Variants in DMD observed in about 807,000 individuals in gnomAD.
DMD encodes the protein mutant dystrophin.
In DMD, 63 loss-of-function variants were observed where a neutral mutation model predicts 330.1. That is an observed-to-expected ratio of 0.19 (90% CI 0.16 to 0.24). The LOEUF (loss-of-function observed/expected upper bound fraction) is 0.24, where lower values mean the gene tolerates loss of function less well. Ranked by LOEUF, DMD falls within the 10% of genes least tolerant of loss-of-function variation. The pLI is 1.00. For synonymous variants in DMD, 1,223 were observed against 959.8 expected (o/e 1.27, Z -5.07); for missense variants, 3,344 against 2,684.1 (o/e 1.25, Z -5.43).
At chrX:31,556,150 G>A (rs1416507130) in intron 55 of DMD, among the ~76,000 whole-genome samples, 2 of 110,058 alleles carry the variant, frequency 1.8e-5, no homozygotes, top group Non-Finnish European at 3.8e-5. Flanking sequence ...GGTGGATCAC[G>A]AGGTCAGGAG....
intron 7 of DMD, among the ~76,000 whole-genome samples, chrX:32,712,697 A>T (rs1242772494): frequency 5.4e-5 from 6 of 111,414 alleles, no homozygotes; most frequent in African/African-American, 1.6e-4. Context: ...GAGTGTTATC[A>T]TACTGAGGTT....
intron 4 of DMD, among the ~76,000 whole-genome samples, chrX:32,841,445 T>C (rs998732286): frequency 7.2e-5 from 8 of 111,839 alleles, no homozygotes; most frequent in African/African-American, 2.6e-4. Context: ...CACCAGATAC[T>C]AGGCTGTATT....
intron 1 of DMD, among the ~76,000 whole-genome samples, chrX:33,286,965 C>A (rs1162462497): frequency 9.0e-6 from 1 of 111,599 alleles, no homozygotes; most frequent in Admixed American, 9.6e-5. Context: ...TGAAGAGATG[C>A]GGGGGAGCAA....
At chrX:31,484,044 T>C (rs942441485) in intron 57 of DMD, among the ~76,000 whole-genome samples, 1 of 111,470 alleles carries the variant, frequency 9.0e-6, no homozygotes, top group Admixed American at 9.6e-5. Flanking sequence ...GGAAAGCCAA[T>C]TTTTCAGTAT....
At chrX:32,348,653 T>G (rs749388749) in intron 37 of DMD, 125 bp from the exon 38 acceptor site, 1 of 646,912 alleles carries the variant, frequency 1.5e-6, no homozygotes, top group East Asian at 3.7e-5. Flanking sequence ...TTCCATATTA[T>G]GTTTTATGAA....
At chrX:32,002,745 T>G (rs16990013) in intron 44 of DMD, among the ~76,000 whole-genome samples, 4,013 of 110,956 alleles carry the variant, frequency 0.036, 176 homozygotes, top group African/African-American at 0.12. Context: ...AAAGCAGATA[T>G]AAAGTACCTA....
chrX:32,083,072 T>G (rs1222542636), intron 44 of DMD, among the ~76,000 whole-genome samples: 2 of 111,771 alleles, frequency 1.8e-5, no homozygotes, highest in Non-Finnish European at 3.8e-5. Flanking sequence ...GATGAAATGG[T>G]CAGAAAGCAC....
chrX:32,336,292 A>G (rs1200822795), intron 41 of DMD, among the ~76,000 whole-genome samples: 1 of 111,565 alleles, frequency 9.0e-6, no homozygotes, highest in African/African-American at 3.3e-5. Context: ...CTGGGATTAC[A>G]GTTGTGAGCC....
At chrX:32,711,067 G>A (rs2065143714) in intron 7 of DMD, among the ~76,000 whole-genome samples, 2 of 111,551 alleles carry the variant, frequency 1.8e-5, no homozygotes, top group Admixed American at 9.6e-5. Flanking sequence ...AGACTAAATA[G>A]AGAAAAGGAA....
intron 9 of DMD, among the ~76,000 whole-genome samples, chrX:32,651,268 G>A (rs868722513): frequency 9.2e-6 from 1 of 108,710 alleles, no homozygotes; most frequent in South Asian, 4.1e-4. Context: ...TCAGCCTCCC[G>A]AGTAGCTGGG....
At chrX:31,429,121 CAA>C (rs35774193) in intron 60 of DMD, among the ~76,000 whole-genome samples, 15 of 81,365 alleles carry the variant, frequency 1.8e-4, no homozygotes, top group East Asian at 3.6e-4. Context: ...GACTCCATCT[CAA>C]AAAAAAAAAA....
At chrX:32,674,167 T>A (rs951534309) in intron 9 of DMD, among the ~76,000 whole-genome samples, 8 of 111,697 alleles carry the variant, frequency 7.2e-5, no homozygotes, top group African/African-American at 2.6e-4. Context: ...CTGTTTCAAT[T>A]TGGTTTCTTT....
intron 1 of DMD, among the ~76,000 whole-genome samples, chrX:33,066,461 A>AAAGGAAGG (rs11283208): frequency 0.094 from 7,907 of 83,758 alleles, 1,304 homozygotes; most frequent in African/African-American, 0.35. Context: ...AAAAAAAAAA[A>AAAGGAAGG]AAGGAAGGAA....
chrX:32,882,076 A>G lies in DMD; in HGVS notation c.94-32256T>C, dbSNP rs113875710. Reference sequence around the variant, plus strand: ...CTTGTGTTTTGTTTTTCAAAAGCTTAGAGAATCAGCTTCATCGCCCCTGCT... The same window carrying G: ...CTTGTGTTTTGTTTTTCAAAAGCTTGGAGAATCAGCTTCATCGCCCCTGCT... On this transcript the variant is annotated intron_variant, in intron 2 of 78. Transcript: ENST00000357033. Among the ~76,000 whole-genome samples the G allele has an allele frequency of 4.3e-3, 487 of 112,073 alleles. 8 individuals carry two copies. The East Asian group carries it at 0.064, about 15-fold the overall frequency.
rs374397973 is a variant in DMD at position 32,498,415 on chromosome X, AT to A, written c.2380+3339del. Among the ~76,000 whole-genome samples, 233 of 106,071 alleles carry A rather than the reference AT, an allele frequency of 2.2e-3. 3 individuals are homozygous for A. The South Asian group carries it at 0.053, about 24-fold the overall frequency. 92.1% of individuals were successfully genotyped at this position (106,071 alleles called of 115,157 possible). ...TTCATGCCAAAATGCCAGAAACGTG[AT>A]TTTTTTTTTTAGTTAACACTCTCCT... On this transcript the variant is annotated intron_variant, in intron 19 of 78. Coordinates refer to ENST00000357033, the MANE Select transcript of DMD (RefSeq NM_004006.3).
chrX:32,295,757 T>C (rs935933827), intron 42 of DMD, among the ~76,000 whole-genome samples: 2 of 112,119 alleles, frequency 1.8e-5, no homozygotes, highest in African/African-American at 6.5e-5. Flanking sequence ...AACCCTTAAC[T>C]ATGCTCCATT....
intron 1 of DMD, among the ~76,000 whole-genome samples, chrX:33,260,412 G>T (rs2052935823): frequency 9.0e-6 from 1 of 111,416 alleles, no homozygotes; most frequent in African/African-American, 3.3e-5. Context: ...TTACTTTTCA[G>T]TAACATAGAC....
chrX:32,719,309 G>C (rs1248647991), intron 7 of DMD, among the ~76,000 whole-genome samples: 1 of 112,019 alleles, frequency 8.9e-6, no homozygotes. Flanking sequence ...ATAGAGCTAA[G>C]CTTCTAGAGG....
chrX:32,475,410 T>G (rs189764598), intron 21 of DMD, among the ~76,000 whole-genome samples: 1 of 111,180 alleles, frequency 9.0e-6, no homozygotes, highest in Non-Finnish European at 1.9e-5. Context: ...GTTATTTTGA[T>G]GGGGATTGCA....
Sources: allele counts gnomAD v4.1 joint callset (sites outside exome capture counted in the v4.1 genomes callset), GRCh38; gene constraint gnomAD v4.1.1; transcripts MANE v1.5; gene names NCBI Gene and HGNC (gene_info 2026-07-23, HGNC 2026-07-21).